The following CHIC2 variants were observed in gnomAD, a reference collection of about 807,000 sequenced individuals.
The protein encoded by CHIC2 is cysteine-rich hydrophobic domain-containing protein 2.
Under a neutral mutation model 25.9 loss-of-function variants are expected in CHIC2, and 14 were observed. That is an observed-to-expected ratio of 0.54 (90% CI 0.36 to 0.85). The LOEUF (loss-of-function observed/expected upper bound fraction) is 0.85. Ranked by LOEUF, CHIC2 falls within the 40% of genes least tolerant of loss-of-function variation. The pLI is 0.01. For missense variants in CHIC2, 146 were observed against 202.0 expected (o/e 0.72, Z 1.68); for synonymous variants, 70 against 72.0 (o/e 0.97, Z 0.14).
Position 54,024,988 on chromosome 4 carries a change from C to T in CHIC2, c.331-10869G>A, listed in dbSNP as rs1716014368. Among the ~76,000 whole-genome samples, 6 of 152,258 alleles carry T rather than the reference C, an allele frequency of 3.9e-5. No individual in the cohort carries two copies. In the South Asian group the frequency reaches 1.0e-3, roughly 26 times the overall value. ...TAGGTTCCCACGCCGCCCCTAATCC[C>T]GTTCAAAGCAGCCCTGAGAAACATC... On this transcript the variant is annotated intron_variant, in intron 3 of 5. Transcript: ENST00000263921.
chr4:54,018,787 C>T (rs1040893069), intron 3 of CHIC2, among the ~76,000 whole-genome samples: 1 of 151,890 alleles, frequency 6.6e-6, no homozygotes, highest in African/African-American at 2.4e-5. Flanking sequence ...TATAAAAGTT[C>T]ACCTATTTAA....
chr4:54,029,839 T>C (rs1716168612), intron 3 of CHIC2, among the ~76,000 whole-genome samples: 1 of 152,222 alleles, frequency 6.6e-6, no homozygotes, highest in South Asian at 2.1e-4. Context: ...TTCTTAGCTT[T>C]CTGCTTATGA....
At chr4:54,024,606 C>G (rs929541688) in intron 3 of CHIC2, among the ~76,000 whole-genome samples, 4 of 152,028 alleles carry the variant, frequency 2.6e-5, no homozygotes, top group Non-Finnish European at 5.9e-5. Context: ...AAGGGGACTC[C>G]GTATATTTTT....
intron 1 of CHIC2, among the ~76,000 whole-genome samples, chr4:54,055,510 G>A (rs1183307343): frequency 6.6e-6 from 1 of 152,196 alleles, no homozygotes; most frequent in Non-Finnish European, 1.5e-5. Flanking sequence ...GATTTGGGGT[G>A]TAGATTATGA....
chr4:54,091,838 C>T, the CHIC2 span, among the ~76,000 whole-genome samples: 1 of 152,220 alleles, frequency 6.6e-6, no homozygotes, highest in African/African-American at 2.4e-5. Context: ...TCGCCCCCAC[C>T]TCGCCTTCGC....
chr4:54,061,187 A>G (rs1013102088), intron 1 of CHIC2: 6 of 152,160 alleles, frequency 3.9e-5, no homozygotes, highest in Non-Finnish European at 7.4e-5. Context: ...CAAATTAAAC[A>G]TGTTGCATCC....
At chr4:54,089,022 G>A in the CHIC2 span, among the ~76,000 whole-genome samples, 2 of 152,142 alleles carry the variant, frequency 1.3e-5, no homozygotes, top group Non-Finnish European at 2.9e-5. Flanking sequence ...AGTTTCCAGG[G>A]CATCTTCCTG....
intron 2 of CHIC2, 59 bp from the exon 3 acceptor site, chr4:54,049,169 G>C (rs1290682113): frequency 1.0e-5 from 16 of 1,566,578 alleles, no homozygotes; most frequent in Non-Finnish European, 1.4e-5. Flanking sequence ...AAACATGACT[G>C]ATGAGCATAC....
chr4:54,087,873 T>G, the CHIC2 span: 1 of 280,702 alleles, frequency 3.6e-6, no homozygotes, highest in Non-Finnish European at 7.0e-6. Context: ...GGATATTCTT[T>G]AACATTGTTA....
At chr4:54,083,945 A>T in the CHIC2 span, among the ~76,000 whole-genome samples, 1 of 151,992 alleles carries the variant, frequency 6.6e-6, no homozygotes, top group African/African-American at 2.4e-5. Flanking sequence ...ATGCATATCC[A>T]TCCTCTGGGC....
chr4:54,073,037 C>G, the CHIC2 span, among the ~76,000 whole-genome samples: 8 of 152,130 alleles, frequency 5.3e-5, no homozygotes, highest in Admixed American at 4.6e-4. Context: ...CACTGCACTC[C>G]AGCCTGGGTG....
chr4:54,014,195 A>T, intron 3 of CHIC2, 76 bp from the exon 4 acceptor site: 1 of 1,219,046 alleles, frequency 8.2e-7, no homozygotes, highest in East Asian at 2.4e-5. Context: ...TTTTTCTGTG[A>T]AAAGGGGAGA....
At chr4:54,049,662 T>C (rs2110085740) in intron 1 of CHIC2, among the ~76,000 whole-genome samples, 1 of 152,296 alleles carries the variant, frequency 6.6e-6, no homozygotes, top group East Asian at 1.9e-4. Context: ...TTTCCAGCTT[T>C]TAATGTTATT....
At chr4:54,066,625 CTTTTTT>C (rs533491447), upstream of CHIC2, among the ~76,000 whole-genome samples, 1 of 133,734 alleles carries the variant, frequency 7.5e-6, no homozygotes, top group African/African-American at 2.7e-5. Context: ...TCCTGAATGT[CTTTTTT>C]TTTTTTTTTT....
intron 3 of CHIC2, among the ~76,000 whole-genome samples, chr4:54,030,666 A>AT (rs201197122): frequency 0.022 from 2,913 of 134,656 alleles, 121 homozygotes; most frequent in African/African-American, 0.074. Context: ...TAAAATGCTA[A>AT]TTTTTTTTTT....
At chr4:54,036,110 C>A (rs1716375019) in intron 3 of CHIC2, among the ~76,000 whole-genome samples, 1 of 152,142 alleles carries the variant, frequency 6.6e-6, no homozygotes, top group Admixed American at 6.5e-5. Context: ...TGTTTAATTA[C>A]TTTGAATAAG....
At chr4:54,069,413 G>A (rs1348409620), upstream of CHIC2, among the ~76,000 whole-genome samples, 1 of 152,246 alleles carries the variant, frequency 6.6e-6, no homozygotes, top group African/African-American at 2.4e-5. Context: ...GGGTGCAGGA[G>A]CTTCTGTCCC....
chr4:54,015,422 G>A (rs1266561300), intron 3 of CHIC2, among the ~76,000 whole-genome samples: 1 of 152,086 alleles, frequency 6.6e-6, no homozygotes, highest in East Asian at 1.9e-4. Flanking sequence ...GCCTTTTAGA[G>A]GCAGCTCTCC....
intron 1 of CHIC2, among the ~76,000 whole-genome samples, chr4:54,053,122 T>A (rs1232396202): frequency 6.6e-6 from 1 of 152,244 alleles, no homozygotes; most frequent in Non-Finnish European, 1.5e-5. Flanking sequence ...TCAGTATTTT[T>A]ACCATCTTTC....
Sources: allele counts gnomAD v4.1 joint callset (sites outside exome capture counted in the v4.1 genomes callset), GRCh38; gene constraint gnomAD v4.1.1; transcripts MANE v1.5; gene names NCBI Gene and HGNC (gene_info 2026-07-23, HGNC 2026-07-21).